The following ATRNL1 variants were observed in gnomAD, a reference collection of about 807,000 sequenced individuals.
ATRNL1 encodes attractin like 1, also known as attractin-like protein 1.
A neutral mutation model predicts 182.7 loss-of-function variants in ATRNL1; 95 were observed. That is an observed-to-expected ratio of 0.52 (90% CI 0.44 to 0.62). The LOEUF (loss-of-function observed/expected upper bound fraction) is 0.62, where lower values mean the gene tolerates loss of function less well. Ranked by LOEUF, ATRNL1 falls within the 20% of genes least tolerant of loss-of-function variation. The pLI, the probability that ATRNL1 is intolerant of heterozygous loss-of-function variation, is 0.00. For missense variants in ATRNL1, 1,471 were observed against 1,679.5 expected (o/e 0.88, Z 2.17); for synonymous variants, 576 against 568.3 (o/e 1.01, Z -0.19).
chr10:115,900,670 G>A (rs1952327052), intron 28 of ATRNL1, among the ~76,000 whole-genome samples: 1 of 152,176 alleles, frequency 6.6e-6, no homozygotes, highest in African/African-American at 2.4e-5. Context: ...ACTTGCTCAT[G>A]CCCACGTAGT....
At chr10:115,514,659 T>C (rs903413738) in intron 24 of ATRNL1, among the ~76,000 whole-genome samples, 7 of 151,866 alleles carry the variant, frequency 4.6e-5, no homozygotes, top group African/African-American at 1.7e-4. Context: ...GTTAGTCTGT[T>C]GGTTACTCCC....
intron 19 of ATRNL1, among the ~76,000 whole-genome samples, chr10:115,380,120 G>A (rs1016630747): frequency 1.5e-4 from 23 of 152,122 alleles, no homozygotes; most frequent in African/African-American, 5.3e-4. Context: ...GTGAGCCGCC[G>A]CGCCTGGCCA....
chr10:115,485,792 G>A (rs1287080024), intron 24 of ATRNL1, among the ~76,000 whole-genome samples: 1 of 151,958 alleles, frequency 6.6e-6, no homozygotes, highest in Non-Finnish European at 1.5e-5. Flanking sequence ...TGTGCAGAAT[G>A]TGCAGGTTTG....
chr10:115,128,417 TTG>T (rs1273984605), intron 4 of ATRNL1: 3 of 756,246 alleles, frequency 4.0e-6, no homozygotes, highest in Non-Finnish European at 4.8e-6. Context: ...AATGTAGAAA[TTG>T]GTAACCAGAG....
chr10:115,680,081 T>C (rs1358257620), intron 26 of ATRNL1, among the ~76,000 whole-genome samples: 2 of 152,134 alleles, frequency 1.3e-5, no homozygotes, highest in East Asian at 3.9e-4. Context: ...TTTCTCATAA[T>C]CTGCCTGCTA....
At chr10:115,864,124 T>G (rs1484325729) in intron 28 of ATRNL1, among the ~76,000 whole-genome samples, 1 of 152,138 alleles carries the variant, frequency 6.6e-6, no homozygotes, top group Non-Finnish European at 1.5e-5. Flanking sequence ...CCAGCCATGG[T>G]GGCATGTGCC....
chr10:115,310,412 G>T (rs549460088), intron 17 of ATRNL1, among the ~76,000 whole-genome samples: 1 of 152,058 alleles, frequency 6.6e-6, no homozygotes, highest in South Asian at 2.1e-4. Flanking sequence ...AGTAGGATTG[G>T]TACCAATTCT....
intron 28 of ATRNL1, among the ~76,000 whole-genome samples, chr10:115,921,676 T>C (rs1178940674): frequency 6.6e-6 from 1 of 152,206 alleles, no homozygotes; most frequent in Non-Finnish European, 1.5e-5. Context: ...GAACAAGTAG[T>C]AGAGACACCT....
At chr10:115,267,785 A>AT (rs1272952110) in intron 12 of ATRNL1, among the ~76,000 whole-genome samples, 3 of 151,984 alleles carry the variant, frequency 2.0e-5, no homozygotes, top group Non-Finnish European at 4.4e-5. Flanking sequence ...ATTTTAGTTT[A>AT]TTTTTTGAGA....
intron 8 of ATRNL1, among the ~76,000 whole-genome samples, chr10:115,190,918 AG>A (rs1485164301): frequency 1.3e-5 from 2 of 152,054 alleles, no homozygotes; most frequent in Admixed American, 6.6e-5. Context: ...CACTCTTTAT[AG>A]TCCATAAATT....
intron 17 of ATRNL1, among the ~76,000 whole-genome samples, chr10:115,306,342 G>T (rs1274790427): frequency 1.3e-5 from 2 of 152,068 alleles, no homozygotes; most frequent in Non-Finnish European, 1.5e-5. Flanking sequence ...AACCTCTTTA[G>T]CACTCAGTGT....
intron 27 of ATRNL1, among the ~76,000 whole-genome samples, chr10:115,728,588 G>C (rs1371196338): frequency 6.6e-6 from 1 of 151,922 alleles, no homozygotes; most frequent in Non-Finnish European, 1.5e-5. Context: ...CAAAAACCTA[G>C]GTATACATAT....
intron 19 of ATRNL1, among the ~76,000 whole-genome samples, chr10:115,378,754 G>T (rs1280863814): frequency 1.3e-5 from 2 of 152,106 alleles, no homozygotes; most frequent in Non-Finnish European, 2.9e-5. Context: ...AAATTATAGG[G>T]TATTTGAACT....
chr10:115,178,795 C>T (rs974440909), intron 8 of ATRNL1, among the ~76,000 whole-genome samples: 6 of 152,150 alleles, frequency 3.9e-5, no homozygotes, highest in Admixed American at 6.6e-5. Flanking sequence ...GGAAGCAGAG[C>T]GTAGCTCTCA....
chr10:115,750,265 A>G (rs1210186124), intron 27 of ATRNL1, among the ~76,000 whole-genome samples: 1 of 151,860 alleles, frequency 6.6e-6, no homozygotes, highest in Non-Finnish European at 1.5e-5. Context: ...ATAATAAAAT[A>G]TAATAGTTTA....
intron 26 of ATRNL1, among the ~76,000 whole-genome samples, chr10:115,610,448 T>G (rs1310539031): frequency 6.6e-6 from 1 of 152,204 alleles, no homozygotes; most frequent in Non-Finnish European, 1.5e-5. Context: ...AGTCAGTGCC[T>G]TATCAAGAAT....
chr10:115,217,479 G>A (rs1554896548), intron 9 of ATRNL1, among the ~76,000 whole-genome samples: 1 of 152,150 alleles, frequency 6.6e-6, no homozygotes, highest in Non-Finnish European at 1.5e-5. Flanking sequence ...ATAATAATGG[G>A]TATAGCAATG....
chr10:115,244,466 T>G (rs1041167131), intron 10 of ATRNL1, among the ~76,000 whole-genome samples: 4 of 152,084 alleles, frequency 2.6e-5, no homozygotes, highest in African/African-American at 9.7e-5. Flanking sequence ...ACTTACGTAA[T>G]CAGATTCTTT....
At chr10:115,184,663 TCTTGA>T (rs1847874525) in intron 8 of ATRNL1, among the ~76,000 whole-genome samples, 4 of 151,764 alleles carry the variant, frequency 2.6e-5, no homozygotes, top group African/African-American at 9.7e-5. Context: ...AAAAAAATAG[TCTTGA>T]CTTAGAAACA....
Sources: allele counts gnomAD v4.1 joint callset (sites outside exome capture counted in the v4.1 genomes callset), GRCh38; gene constraint gnomAD v4.1.1; transcripts MANE v1.5; gene names NCBI Gene and HGNC (gene_info 2026-07-23, HGNC 2026-07-21).